KAT5: variants seen among roughly 807,000 people sequenced by gnomAD.
The protein encoded by KAT5 is lysine acetyltransferase 5, also known as histone acetyltransferase KAT5.
KAT5 carries 31 observed loss-of-function variants against 68.1 expected under a neutral mutation model. The observed-to-expected ratio is 0.46, with a 90% CI of 0.34 to 0.61. The LOEUF (loss-of-function observed/expected upper bound fraction) is 0.61, where lower values mean the gene tolerates loss of function less well. Ranked by LOEUF, KAT5 falls within the 20% of genes least tolerant of loss-of-function variation. The pLI is 0.01. For missense variants in KAT5, 451 were observed against 725.5 expected (o/e 0.62, Z 4.35); for synonymous variants, 365 against 292.6 (o/e 1.25, Z -2.52).
Position 65,713,766 on chromosome 11 carries a change from C to G in KAT5, c.616-8C>G. 6.2e-7 allele frequency: 1 copy of G among 1,613,254 alleles called. No homozygotes were observed. Among genetic ancestry groups the G allele is most frequent in the Non-Finnish European group, 8.5e-7 (1 of 1,179,636 alleles). On this transcript the variant is annotated splice_polypyrimidine_tract_variant and splice_region_variant and intron_variant, in intron 5 of 12. Transcript: ENST00000341318. Reference sequence around the variant, plus strand: ...CAGCCATCCCTTCTTTTCCTACTATCTCGGCAGAATGGAGCCGCCCGTAGG... The same window carrying G: ...CAGCCATCCCTTCTTTTCCTACTATGTCGGCAGAATGGAGCCGCCCGTAGG...
Position 65,719,089 on chromosome 11 carries a change from C to A in KAT5, c.1549C>A (p.His517Asn). The A allele has an allele frequency of 6.2e-7, 1 of 1,614,192 alleles. No homozygotes were observed. The highest frequency in any genetic ancestry group is 8.5e-7 in the Non-Finnish European group (1 of 1,180,026). The change falls in exon 13 of 13, where the codon CAT (histidine) becomes AAT (asparagine). Residue 517 changes from histidine (H) to asparagine (N), a missense_variant. This residue lies in a region of KAT5 where 210 missense variants were observed against 423.7 expected (regional missense o/e 0.50). Transcript: ENST00000341318. ...LTLSEDIVDG[H>N]ERAMLKRLLR... ...ACTGTCAGAGGACATCGTGGATGGC[C>A]ATGAGCGGGCCATGCTCAAGCGGCT...
rs1857129028 is a variant in KAT5 at position 65,714,401 on chromosome 11, T to C, written c.691-94T>C. ...TGGTACCTCCCCCTTAGGGTTGCTGTTAGGCTTGAAGGAAACCTGTCAAAG... is the reference window on the plus strand; with the variant it reads ...TGGTACCTCCCCCTTAGGGTTGCTGCTAGGCTTGAAGGAAACCTGTCAAAG... On this transcript the variant is annotated intron_variant, in intron 6 of 12. Coordinates refer to ENST00000341318, the MANE Select transcript of KAT5 (RefSeq NM_182710.3). 4 of 1,449,832 alleles carry C rather than the reference T, an allele frequency of 2.8e-6. No individual in the cohort carries two copies. In the African/African-American group the frequency reaches 4.2e-5, roughly 15 times the overall value. The allele number at this position is 1,449,832 out of a possible 1,614,324, so 89.8% of individuals were successfully genotyped here.
chr11:65,712,169 C>G (rs1299158172), upstream of KAT5: 5 of 1,216,640 alleles, frequency 4.1e-6, 1 homozygote, highest in South Asian at 8.3e-5. Context: ...TCAAAGGTCC[C>G]CCTCTACAGG....
In KAT5 at chr11:65,714,936, G is replaced by A. The variant is rs368546143; in HGVS notation, c.1029+26G>A. On this transcript the variant is annotated intron_variant, in intron 8 of 12. Coordinates refer to ENST00000341318, the MANE Select transcript of KAT5 (RefSeq NM_182710.3). ...GTTAGTGCTTGAGAGGCAGTGAGGC[G>A]CTGGGGTGAATCAAATGACAGCTTC... is the stretch of plus-strand genomic sequence containing the variant. 3.3e-5 allele frequency: 52 copies of A among 1,588,236 alleles called. 1 individual carries two copies. Among genetic ancestry groups the A allele is most frequent in the East Asian group, 4.5e-5 (2 of 44,772 alleles).
chr11:65,714,350 G>GT, intron 6 of KAT5, 145 bp from the exon 7 acceptor site: 3 of 927,740 alleles, frequency 3.2e-6, no homozygotes, highest in South Asian at 1.7e-5. Context: ...AGGGTTTCAG[G>GT]TTTTTTATCT....
At chr11:65,712,880 C>T (rs1857069941) in intron 2 of KAT5, 42 bp from the exon 3 acceptor site, 1 of 1,613,968 alleles carries the variant, frequency 6.2e-7, no homozygotes. Flanking sequence ...GGTTGGGGGA[C>T]AGTCTTTGGC....
Position 65,712,845 on chromosome 11 carries a change from G to A in KAT5, c.247+11G>A, listed in dbSNP as rs368010820. The stretch of plus-strand genomic sequence containing the variant: ...TCCATTACATTGACTGTGAGTTCTG[G>A]GCCTGAGGTGGGGCATCAGGGTAGG... On this transcript the variant is annotated intron_variant, in intron 2 of 12. Coordinates refer to ENST00000341318, the MANE Select transcript of KAT5 (RefSeq NM_182710.3). 9.9e-6 allele frequency: 16 copies of A among 1,614,114 alleles called. No individual in the cohort carries two copies. The highest frequency in any genetic ancestry group is 1.3e-5 in the African/African-American group (1 of 75,000).
chr11:65,719,349 C>A lies in KAT5; in HGVS notation c.*168C>A. The A allele has an allele frequency of 1.2e-6, 1 of 852,360 alleles. No homozygotes were observed. Among genetic ancestry groups the A allele is most frequent in the Non-Finnish European group, 1.8e-6 (1 of 566,368 alleles). The allele number at this position is 852,360 out of a possible 1,614,324, so 52.8% of individuals were successfully genotyped here. On this transcript the variant is annotated 3_prime_UTR_variant, in exon 13 of 13. Coordinates refer to ENST00000341318, the MANE Select transcript of KAT5 (RefSeq NM_182710.3). ...GGCCCACTGGTGCCCAGCACCAAGG[C>A]GAGCTCCGGGCTCAGACCAACTCCA... is the stretch of plus-strand genomic sequence containing the variant.
At position 65,712,776 on chromosome 11, in the gene KAT5, G is replaced by A. The variant is rs555638952; in HGVS notation, c.189G>A (p.Glu63=). 3 of 1,614,098 alleles carry A rather than the reference G, an allele frequency of 1.9e-6. No homozygotes were observed. The Admixed American group carries it at 5.0e-5, about 27-fold the overall frequency. ...QDNEDEWPLA[E]ILSVKDISGR... ...ATGCTATTCTCATAGCCCTGGCCGA[G>A]ATCCTGAGCGTGAAGGACATCAGTG... The change falls in exon 2 of 13, where the codon GAG becomes GAA. Residue 63 remains glutamate, a synonymous_variant. Coordinates refer to ENST00000341318, the MANE Select transcript of KAT5 (RefSeq NM_182710.3).
At chr11:65,716,544 A>C in intron 8 of KAT5, 123 bp from the exon 9 acceptor site, 2 of 916,150 alleles carry the variant, frequency 2.2e-6, no homozygotes, top group East Asian at 2.4e-5. Context: ...CAGCCAGGGA[A>C]GAACACTCAT....
chr11:65,719,377 G>C lies in KAT5; in HGVS notation c.*196G>C. On this transcript the variant is annotated 3_prime_UTR_variant, in exon 13 of 13. Transcript: ENST00000341318. ...GCTCCGGGCTCAGACCAACTCCAAG[G>C]TCAGCTGGCCACAGGCCCAGGCCTC... 1.5e-6 allele frequency: 1 copy of C among 677,692 alleles called. No homozygotes were observed. Among genetic ancestry groups the C allele is most frequent in the Non-Finnish European group, 2.5e-6 (1 of 407,770 alleles). 42.0% of individuals were successfully genotyped at this position (677,692 alleles called of 1,614,324 possible).
At position 65,719,139 on chromosome 11, in the gene KAT5, G is replaced by A. The variant is rs778146398; in HGVS notation, c.1599G>A (p.Leu533=). 1 of 1,614,190 alleles carries A rather than the reference G, an allele frequency of 6.2e-7. No individual in the cohort carries two copies. Among genetic ancestry groups the A allele is most frequent in the South Asian group, 1.1e-5 (1 of 91,084 alleles). The change falls in exon 13 of 13, where the codon CTG becomes CTA. Residue 533 remains leucine (L), a synonymous_variant. Transcript: ENST00000341318. ...TCCTGCGGATCGACTCCAAGTGTCTGCACTTCACTCCCAAGGACTGGAGCA... is the reference window on the plus strand; with the variant it reads ...TCCTGCGGATCGACTCCAAGTGTCTACACTTCACTCCCAAGGACTGGAGCA... ...KRLLRIDSKC[L]HFTPKDWSKR... is the part of the protein sequence containing the mutation.
intron 6 of KAT5, 70 bp downstream of exon 6, chr11:65,713,918 T>A: frequency 3.7e-6 from 5 of 1,351,174 alleles, no homozygotes; most frequent in Non-Finnish European, 4.1e-6. Context: ...GAGAGTTATT[T>A]AGTGATGAGT....
At chr11:65,715,208 C>T (rs982483633) in intron 8 of KAT5, 6 of 393,534 alleles carry the variant, frequency 1.5e-5, no homozygotes, top group Admixed American at 3.6e-5. Flanking sequence ...TAGAGGGTTA[C>T]CTTTCAGCCT....
At position 65,713,088 on chromosome 11, in the gene KAT5, C is replaced by G. The variant is rs377029122; in HGVS notation, c.384+30C>G. 3.7e-5 allele frequency: 60 copies of G among 1,611,340 alleles called. No individual in the cohort carries two copies. The South Asian group carries it at 6.2e-4, about 17-fold the overall frequency. ...GTAGGTCCCCCACTTCACCTTTTCT[C>G]TCCTGCCTCCTATTTCTCTTGTCTG... On this transcript the variant is annotated intron_variant, in intron 3 of 12. Coordinates refer to ENST00000341318, the MANE Select transcript of KAT5 (RefSeq NM_182710.3).
chr11:65,712,894 C>T (rs375061538), intron 2 of KAT5, 28 bp from the exon 3 acceptor site: 24 of 1,614,016 alleles, frequency 1.5e-5, no homozygotes, highest in Non-Finnish European at 1.9e-5. Context: ...CTTTGGCATT[C>T]TGTCCTGAGC....
rs1405852250 is a variant in KAT5, at chr11:65,713,255, G to T, written c.385-93G>T. On this transcript the variant is annotated intron_variant, in intron 3 of 12. Coordinates refer to ENST00000341318, the MANE Select transcript of KAT5 (RefSeq NM_182710.3). Reference sequence around the variant, plus strand: ...GTGTCCTTCAGAAGGCGAGGGTGGGGTTTGATAATTTTGAGGTGAGGGACC... The same window carrying T: ...GTGTCCTTCAGAAGGCGAGGGTGGGTTTTGATAATTTTGAGGTGAGGGACC... 3.5e-6 allele frequency: 5 copies of T among 1,412,326 alleles called. No individual in the cohort carries two copies. The African/African-American group carries it at 4.2e-5, about 12-fold the overall frequency. The allele number at this position is 1,412,326 out of a possible 1,614,324, so 87.5% of individuals were successfully genotyped here. A position where few individuals can be genotyped will look rare whatever the true frequency, so the allele number is the denominator to read the frequency against.
At position 65,713,353 on chromosome 11, in the gene KAT5, C is replaced by T; in HGVS notation, c.390C>T (p.Ala130=). The change falls in exon 4 of 13, where the codon GCC becomes GCT. Residue 130 remains alanine (A), a synonymous_variant. Transcript: ENST00000341318. ...RPGSPEREVP[A]SAQASGKTLP... ...CCCTGGACCTATCTCTACAGCCGGC[C>T]TCGGCGCAGGCCAGCGGGAAGACCT... 6.2e-7 allele frequency: 1 copy of T among 1,614,116 alleles called. No homozygotes were observed. The highest frequency in any genetic ancestry group is 8.5e-7 in the Non-Finnish European group (1 of 1,180,000).
At position 65,716,024 on chromosome 11, in the gene KAT5, CAAAA is replaced by C. The variant is rs34568886; in HGVS notation, c.1030-628_1030-625del. ...GGGTGACAGGAGTGAGACCCTGTGT[CAAAA>C]AAAAAAAAAAAAAACCCACAATGTC... On this transcript the variant is annotated intron_variant, in intron 8 of 12. Coordinates refer to ENST00000341318, the MANE Select transcript of KAT5 (RefSeq NM_182710.3). 8.4e-4 allele frequency: 103 copies of C among 123,330 alleles called. 1 individual carries two copies. The highest frequency in any genetic ancestry group is 4.2e-3 in the Middle Eastern group (1 of 238). 7.6% of individuals were successfully genotyped at this position (123,330 alleles called of 1,614,324 possible). A position where few individuals can be genotyped will look rare whatever the true frequency, so the allele number is the denominator to read the frequency against.
Sources: gnomAD v4.1 joint callset for allele counts on GRCh38, gnomAD v4.1.1 for gene constraint, gnomAD v4.1.1 regional missense constraint, MANE v1.5 for transcripts, NCBI Gene and HGNC (gene_info 2026-07-23, HGNC 2026-07-21) for gene names.